UNC79: variants seen among roughly 807,000 people sequenced by gnomAD.
UNC79 encodes the protein protein unc-79 homolog.
A neutral mutation model predicts 283.1 loss-of-function variants in UNC79; 37 were observed. The ratio of observed to expected loss-of-function variants is 0.13; its 90% CI spans 0.10 to 0.17. The LOEUF (loss-of-function observed/expected upper bound fraction) is 0.17, where lower values mean the gene tolerates loss of function less well. Ranked by LOEUF, UNC79 falls within the 10% of genes least tolerant of loss-of-function variation. The pLI is 1.00. For synonymous variants in UNC79, 1,107 were observed against 1,200.2 expected (o/e 0.92, Z 1.61); for missense variants, 2,272 against 3,211.1 (o/e 0.71, Z 7.07).
At chr14:93,698,948 A>G (rs2075345525) in intron 47 of UNC79, among the ~76,000 whole-genome samples, 1 of 152,332 alleles carries the variant, frequency 6.6e-6, no homozygotes, top group South Asian at 2.1e-4. Context: ...TGCTATATCA[A>G]ATTACTAAAT....
chr14:93,523,821 G>A (rs552080643), intron 7 of UNC79, among the ~76,000 whole-genome samples, 157 bp from the exon 8 acceptor site: 1 of 152,244 alleles, frequency 6.6e-6, no homozygotes. Context: ...ATCTTTGCTT[G>A]TCTTTTAAAT....
At chr14:93,434,743 AGTT>A (rs1411622539) in intron 1 of UNC79, among the ~76,000 whole-genome samples, 1 of 152,214 alleles carries the variant, frequency 6.6e-6, no homozygotes, top group Non-Finnish European at 1.5e-5. Flanking sequence ...GGATAGTTAT[AGTT>A]GTTGTGAAGA....
In UNC79 at chr14:93,435,375, A is replaced by T. The variant is rs999281419; in HGVS notation, c.22+4324A>T. ...CTTTCTTTTCTGGCTGTTCCCACTC[A>T]GATTTTTTCTTAGGGCTGTCTTCTT... On this transcript the variant is annotated intron_variant, in intron 1 of 48. Coordinates refer to ENST00000555664, the Ensembl canonical transcript of UNC79. 2.6e-5 allele frequency among the ~76,000 whole-genome samples: 4 copies of T among 152,260 alleles called. No homozygotes were observed. In the South Asian group the frequency reaches 8.3e-4, roughly 32 times the overall value.
chr14:93,464,687 A>T (rs2057092833), intron 1 of UNC79: 2 of 439,398 alleles, frequency 4.6e-6, no homozygotes, highest in Non-Finnish European at 9.1e-6. Flanking sequence ...AGCTTACTAG[A>T]GAAATGTAGC....
intron 1 of UNC79, among the ~76,000 whole-genome samples, chr14:93,338,440 G>A (rs1253590711): frequency 6.6e-6 from 1 of 152,050 alleles, no homozygotes; most frequent in African/African-American, 2.4e-5. Flanking sequence ...CCCAGACTTA[G>A]GTATTTCTAG....
At chr14:93,432,840 C>T (rs551782309) in intron 1 of UNC79, among the ~76,000 whole-genome samples, 93 of 152,278 alleles carry the variant, frequency 6.1e-4, no homozygotes, top group African/African-American at 2.1e-3. Context: ...TTACATATTA[C>T]GTAAGTAATT....
At chr14:93,517,284 A>G (rs1416629364) in intron 7 of UNC79, among the ~76,000 whole-genome samples, 1 of 98,202 alleles carries the variant, frequency 1.0e-5, no homozygotes, top group Non-Finnish European at 2.0e-5. Context: ...TCTCTCTCTT[A>G]CCCTTCTTTC....
intron 30 of UNC79, among the ~76,000 whole-genome samples, chr14:93,623,526 C>T (rs1271030266): frequency 6.6e-6 from 1 of 152,226 alleles, no homozygotes; most frequent in Admixed American, 6.5e-5. Flanking sequence ...CCACCTCATC[C>T]TATAACAGTC....
intron 20 of UNC79, among the ~76,000 whole-genome samples, chr14:93,583,188 G>T (rs529443799): frequency 1.3e-5 from 2 of 152,216 alleles, no homozygotes; most frequent in South Asian, 4.2e-4. Context: ...AAGTGTGGTG[G>T]CTCATGCCTG....
chr14:93,527,853 A>G (rs1342551287), intron 8 of UNC79, among the ~76,000 whole-genome samples: 2 of 152,174 alleles, frequency 1.3e-5, no homozygotes, highest in African/African-American at 4.8e-5. Flanking sequence ...AAAGATCCAG[A>G]TATTGAAATA....
chr14:93,465,407 T>C (rs1238360162), intron 1 of UNC79, among the ~76,000 whole-genome samples: 3 of 152,168 alleles, frequency 2.0e-5, no homozygotes, highest in African/African-American at 4.8e-5. Context: ...GAGTAAGGTA[T>C]AGTTTCTGCC....
intron 26 of UNC79, among the ~76,000 whole-genome samples, chr14:93,612,193 T>G (rs977168935): frequency 6.6e-6 from 1 of 152,252 alleles, no homozygotes; most frequent in Non-Finnish European, 1.5e-5. Flanking sequence ...ATGTTTCTCA[T>G]GACATACAGC....
intron 7 of UNC79, among the ~76,000 whole-genome samples, chr14:93,510,237 C>T (rs1236629685): frequency 1.3e-5 from 2 of 152,178 alleles, no homozygotes; most frequent in East Asian, 1.9e-4. Context: ...TGGGGCCTGC[C>T]GTGTGAGGTG....
chr14:93,433,815 C>T (rs1404213907), intron 1 of UNC79, among the ~76,000 whole-genome samples: 1 of 152,192 alleles, frequency 6.6e-6, no homozygotes, highest in African/African-American at 2.4e-5. Context: ...CCCAAACCAG[C>T]TTACTCGATT....
chr14:93,688,715 A>T lies in UNC79; in HGVS notation c.6960A>T (p.Gly2320=). 6.2e-7 allele frequency: 1 copy of T among 1,614,146 alleles called. No individual in the cohort carries two copies. Residue 2320 remains glycine, a synonymous_variant, in exon 44 of 49, where the codon GGA becomes GGT. Coordinates refer to ENST00000555664, the Ensembl canonical transcript of UNC79. The surrounding 1 kb of genome is among the most constrained non-coding windows in gnomAD (Gnocchi z 4.0). The stretch of plus-strand genomic sequence containing the variant: ...CTCTGCATGAAGATACCTTTGGGGG[A>T]CATCTCAAAGTGGGGCTGGCCCAGA...
intron 34 of UNC79, among the ~76,000 whole-genome samples, chr14:93,646,122 A>T (rs370260074): frequency 6.6e-6 from 1 of 152,220 alleles, no homozygotes; most frequent in East Asian, 1.9e-4. Flanking sequence ...TAACCAATAC[A>T]TTTCTCTTCT....
At chr14:93,484,712 C>T (rs1212028520) in intron 4 of UNC79, among the ~76,000 whole-genome samples, 1 of 152,186 alleles carries the variant, frequency 6.6e-6, no homozygotes, top group African/African-American at 2.4e-5. Flanking sequence ...AGCTGCACAT[C>T]TGTTTACATC....
At chr14:93,467,421 C>A (rs1037155172) in intron 1 of UNC79, among the ~76,000 whole-genome samples, 5 of 150,392 alleles carry the variant, frequency 3.3e-5, no homozygotes, top group Non-Finnish European at 7.4e-5. Flanking sequence ...GGATATTAAA[C>A]CAGAAAACTA....
intron 34 of UNC79, among the ~76,000 whole-genome samples, 162 bp downstream of exon 37, chr14:93,643,859 T>G (rs2069306836): frequency 6.6e-6 from 1 of 152,216 alleles, no homozygotes; most frequent in Non-Finnish European, 1.5e-5. Flanking sequence ...TAGACTCGTC[T>G]TTCGACTGAA....
Sources: allele counts gnomAD v4.1 joint callset (sites outside exome capture counted in the v4.1 genomes callset), GRCh38; gene constraint gnomAD v4.1.1; non-coding constraint Gnocchi (gnomAD v3.1); transcripts MANE v1.5; gene names NCBI Gene and HGNC (gene_info 2026-07-23, HGNC 2026-07-21).